The following KCNH1 variants were observed in gnomAD, a reference collection of about 807,000 sequenced individuals.
KCNH1 encodes the protein voltage-gated delayed rectifier potassium channel KCNH1.
In KCNH1, 27 loss-of-function variants were observed where a neutral mutation model predicts 69.2. The ratio of observed to expected loss-of-function variants is 0.39; its 90% confidence interval spans 0.29 to 0.54. The LOEUF is 0.54. KCNH1 is among the 20% of genes least tolerant of loss of function. The pLI is 0.68. For synonymous variants in KCNH1, 456 were observed against 487.7 expected (o/e 0.93, Z 0.86); for missense variants, 798 against 1,261.6 (o/e 0.63, Z 5.57).
chr1:211,060,655 AAG>A (rs1445125092), intron 5 of KCNH1, among the ~76,000 whole-genome samples: 1 of 152,040 alleles, frequency 6.6e-6, no homozygotes, highest in African/African-American at 2.4e-5. Context: ...CTGAAATAGA[AAG>A]GATCATTAGA....
chr1:210,974,395 T>C (rs979183845), intron 6 of KCNH1, among the ~76,000 whole-genome samples: 63 of 152,208 alleles, frequency 4.1e-4, no homozygotes, highest in African/African-American at 1.4e-3. Context: ...TGGTGAATAA[T>C]TCTTTTTACA....
chr1:210,849,470 G>C (rs560429731), intron 7 of KCNH1, among the ~76,000 whole-genome samples: 1 of 149,944 alleles, frequency 6.7e-6, no homozygotes, highest in East Asian at 2.0e-4. Flanking sequence ...GGGTTCAAGC[G>C]ATTCTCATGC....
chr1:210,917,221 GAGAGAGAGAGAAAGAAAGAAAGAA>G (rs1488198393), intron 7 of KCNH1, among the ~76,000 whole-genome samples: 5 of 110,018 alleles, frequency 4.5e-5, no homozygotes, highest in African/African-American at 1.4e-4. Context: ...GAGAGAGAGA[GAGAGAGAGAGAAAGAAAGAAAGAA>G]AGAAAGAAAG....
At chr1:210,883,470 T>C (rs953887225) in intron 7 of KCNH1, among the ~76,000 whole-genome samples, 3 of 152,166 alleles carry the variant, frequency 2.0e-5, no homozygotes, top group Non-Finnish European at 4.4e-5. Flanking sequence ...GCCTTCTTCA[T>C]AGACAAGGCA....
At chr1:211,104,724 C>T (rs186847804) in intron 2 of KCNH1, among the ~76,000 whole-genome samples, 41 of 152,340 alleles carry the variant, frequency 2.7e-4, no homozygotes, top group Non-Finnish European at 3.8e-4. Context: ...TCCAGGCCTT[C>T]AGACTGCAAT....
rs899424343 is a variant in KCNH1 at position 211,031,875 on chromosome 1, A to G, written c.559-12619T>C. ...CAAGACAGGGATGCCCTCTCTCACC[A>G]CTCCTATTCAACATAGTGTTGGAAG... On this transcript the variant is annotated intron_variant, in intron 5 of 10. Transcript: ENST00000271751. Among the ~76,000 whole-genome samples the G allele has an allele frequency of 6.0e-4, 91 of 152,064 alleles. 1 individual carries two copies. The highest frequency in any genetic ancestry group is 3.5e-4 in the Non-Finnish European group (24 of 67,996).
intron 8 of KCNH1, among the ~76,000 whole-genome samples, chr1:210,798,284 C>A (rs931944876): frequency 6.6e-6 from 1 of 152,120 alleles, no homozygotes; most frequent in African/African-American, 2.4e-5. Context: ...CGTGATCCGC[C>A]CGCCTCGGCC....
At chr1:210,893,281 A>G (rs1472245692) in intron 7 of KCNH1, among the ~76,000 whole-genome samples, 1 of 152,154 alleles carries the variant, frequency 6.6e-6, no homozygotes, top group Admixed American at 6.6e-5. Context: ...TGCTGGGTAT[A>G]GAATTCTAGG....
At chr1:210,806,839 A>ATT (rs1684588919) in intron 7 of KCNH1, among the ~76,000 whole-genome samples, 1 of 92,050 alleles carries the variant, frequency 1.1e-5, no homozygotes, top group African/African-American at 4.1e-5. Context: ...AAAAAAAAAT[A>ATT]TATATATATA....
At chr1:210,690,028 C>G (rs1057420827) in intron 10 of KCNH1, among the ~76,000 whole-genome samples, 2 of 152,202 alleles carry the variant, frequency 1.3e-5, no homozygotes, top group African/African-American at 4.8e-5. Context: ...TCCTGTGCAC[C>G]TCTCTGCCTG....
Position 210,681,649 on chromosome 1 carries a change from TCAGAAA to T in KCNH1, c.*1626_*1631del, listed in dbSNP as rs1681269021. On this transcript the variant is annotated 3_prime_UTR_variant, in exon 11 of 11. Transcript: ENST00000271751. ...GTGGGCAGTCTCAGACCGGAGGCTC[TCAGAAA>T]CACTGAATATCTTTGGTAGGGCAGA... 1 of 152,436 alleles carries T rather than the reference TCAGAAA, an allele frequency of 6.6e-6. No individual in the cohort carries two copies. The highest frequency in any genetic ancestry group is 2.1e-4 in the South Asian group (1 of 4,824). 9.4% of individuals were successfully genotyped at this position (152,436 alleles called of 1,614,324 possible).
At chr1:211,089,270 G>A (rs1365682315) in intron 4 of KCNH1, among the ~76,000 whole-genome samples, 1 of 152,212 alleles carries the variant, frequency 6.6e-6, no homozygotes, top group Non-Finnish European at 1.5e-5. Flanking sequence ...CTACTGCCAT[G>A]AAATAGCTAC....
At chr1:211,083,309 C>T (rs1433174112) in intron 4 of KCNH1, among the ~76,000 whole-genome samples, 1 of 152,208 alleles carries the variant, frequency 6.6e-6, no homozygotes, top group Non-Finnish European at 1.5e-5. Flanking sequence ...TTCCCAGTCC[C>T]CAGGCTATCT....
intron 6 of KCNH1, among the ~76,000 whole-genome samples, chr1:210,997,887 G>A (rs185156464): frequency 5.9e-5 from 9 of 152,198 alleles, no homozygotes; most frequent in East Asian, 5.8e-4. Context: ...AATTTTCAGC[G>A]CAGAATTTCA....
At chr1:210,845,151 A>C (rs1685509621) in intron 7 of KCNH1, among the ~76,000 whole-genome samples, 2 of 152,222 alleles carry the variant, frequency 1.3e-5, no homozygotes, top group Admixed American at 1.3e-4. Context: ...CCTGAGGTAC[A>C]AAGAGGAGCT....
At chr1:210,757,732 TC>T (rs143137942) in intron 10 of KCNH1, among the ~76,000 whole-genome samples, 14 of 152,354 alleles carry the variant, frequency 9.2e-5, no homozygotes, top group African/African-American at 3.4e-4. Context: ...TAGCCACTTG[TC>T]AGGAGGATCA....
intron 5 of KCNH1, among the ~76,000 whole-genome samples, chr1:211,037,652 C>T (rs918763509): frequency 1.3e-5 from 2 of 152,080 alleles, no homozygotes; most frequent in Non-Finnish European, 1.5e-5. Context: ...CCAGGACTTC[C>T]CAATTAAATC....
At chr1:211,112,818 A>G (rs956018471) in intron 1 of KCNH1, among the ~76,000 whole-genome samples, 2 of 152,200 alleles carry the variant, frequency 1.3e-5, no homozygotes, top group Non-Finnish European at 2.9e-5. Context: ...CTCCAACAGT[A>G]TAGAAATTCT....
chr1:210,845,084 C>T (rs1047059453), intron 7 of KCNH1, among the ~76,000 whole-genome samples: 1 of 152,120 alleles, frequency 6.6e-6, no homozygotes, highest in Non-Finnish European at 1.5e-5. Context: ...AGGCAATAAT[C>T]AATAGCTAAC....
Sources: gnomAD v4.1 joint callset for allele counts (sites outside exome capture counted in the v4.1 genomes callset) on GRCh38, gnomAD v4.1.1 for gene constraint, MANE v1.5 for transcripts, NCBI Gene and HGNC (gene_info 2026-07-23, HGNC 2026-07-21) for gene names.